Variants in PAX2 observed in about 807,000 individuals in gnomAD.
PAX2 encodes paired box 2.
In PAX2, 9 loss-of-function variants were observed where a neutral mutation model predicts 41.7. The ratio of observed to expected loss-of-function variants is 0.22; its 90% CI spans 0.13 to 0.38. The LOEUF is 0.38. Among genes scored for constraint, PAX2 ranks in the 10% least tolerant of loss-of-function variants. The probability of loss-of-function intolerance (pLI) is 1.00; values close to 1 mark genes in which losing one functional copy is unlikely to be tolerated. For missense variants in PAX2, 418 were observed against 531.6 expected, an observed-to-expected ratio of 0.79 and a Z score of 2.10; for synonymous variants, 221 against 212.7, an observed-to-expected ratio of 1.04 and a Z score of -0.34.
intron 5 of PAX2, among the ~76,000 whole-genome samples, chr10:100,804,907 C>T (rs1211746916): frequency 6.6e-6 from 1 of 152,124 alleles, no homozygotes; most frequent in East Asian, 1.9e-4. Flanking sequence ...GAAGCTGCTT[C>T]TGTCTGTCTT....
At chr10:100,786,966 C>A (rs375373076) in intron 5 of PAX2, 2 of 1,389,852 alleles carry the variant, frequency 1.4e-6, no homozygotes, top group African/African-American at 2.9e-5. Flanking sequence ...TGATCCTGCC[C>A]ACATTAGAGG....
chr10:100,828,031 C>G lies in PAX2; in HGVS notation c.*412C>G, dbSNP rs1848650928. ...TCTGTGACACACAATCAGCGCGGAC[C>G]GCAGCGCGGCCCAGCCCCGGGCACC... On this transcript the variant is annotated 3_prime_UTR_variant, in exon 10 of 10. Transcript: ENST00000355243. The surrounding 1 kb of genome is among the most constrained non-coding windows in gnomAD (Gnocchi z 6.5). The G allele has an allele frequency of 4.0e-6, 1 of 251,316 alleles. No homozygotes were observed. Among genetic ancestry groups the G allele is most frequent in the Non-Finnish European group, 7.5e-6 (1 of 132,472 alleles). 15.6% of individuals were successfully genotyped at this position (251,316 alleles called of 1,614,324 possible). A position where few individuals can be genotyped will look rare whatever the true frequency, so the allele number is the denominator to read the frequency against.
chr10:100,785,530 C>T (rs1426376678), intron 5 of PAX2, among the ~76,000 whole-genome samples: 1 of 152,136 alleles, frequency 6.6e-6, no homozygotes, highest in African/African-American at 2.4e-5. Context: ...TGCAGATGGC[C>T]GAGTCCTGTC....
chr10:100,825,853 A>G (rs78423757), intron 8 of PAX2, among the ~76,000 whole-genome samples: 13,251 of 146,770 alleles, frequency 0.09, 1,019 homozygotes, highest in African/African-American at 0.2. Context: ...TAGGGGAAGG[A>G]AAGTAGAAGC....
At chr10:100,784,123 G>T (rs753199925) in intron 5 of PAX2, among the ~76,000 whole-genome samples, 14 of 152,154 alleles carry the variant, frequency 9.2e-5, no homozygotes, top group Non-Finnish European at 1.8e-4. Context: ...CTTCTAAGGA[G>T]CCAGGCCCAG....
intron 3 of PAX2, among the ~76,000 whole-genome samples, chr10:100,755,407 G>A (rs917250519): frequency 1.3e-5 from 2 of 152,206 alleles, no homozygotes; most frequent in Non-Finnish European, 2.9e-5. Context: ...AGCTCCAGGT[G>A]CATTTCAGAA....
At chr10:100,799,051 T>TG (rs962371705) in intron 5 of PAX2, among the ~76,000 whole-genome samples, 101 of 152,338 alleles carry the variant, frequency 6.6e-4, no homozygotes, top group African/African-American at 2.4e-3. Flanking sequence ...CTGGGAAGAC[T>TG]GGGGGGCAGC....
rs752373453 is a variant in PAX2 at position 100,826,026 on chromosome 10, C to T, written c.1022-983C>T. Among the ~76,000 whole-genome samples the T allele has an allele frequency of 6.6e-6, 1 of 150,576 alleles. No individual in the cohort carries two copies. Among genetic ancestry groups the T allele is most frequent in the Admixed American group, 6.6e-5 (1 of 15,076 alleles). ...GGGAGCCGCAGAGAGCTCGTGGTGT[C>T]GAGGGGGGAGTCGTTAAACAGAATC... On this transcript the variant is annotated intron_variant, in intron 8 of 9. Coordinates refer to ENST00000355243, the MANE Select transcript of PAX2 (RefSeq NM_000278.5). The surrounding 1 kb of genome is among the most constrained non-coding windows in gnomAD (Gnocchi z 5.5).
intron 7 of PAX2, among the ~76,000 whole-genome samples, chr10:100,818,642 G>A (rs1281949014): frequency 1.3e-5 from 2 of 152,082 alleles, no homozygotes; most frequent in African/African-American, 4.8e-5. Context: ...AGTGATCTAT[G>A]GGTTCTTGAG....
At chr10:100,811,313 C>A (rs189656471) in intron 7 of PAX2, among the ~76,000 whole-genome samples, 41 of 152,326 alleles carry the variant, frequency 2.7e-4, no homozygotes, top group Admixed American at 2.0e-4. Flanking sequence ...GATTTTATGT[C>A]CTCCTAATTT....
In PAX2 at chr10:100,748,345, G is replaced by C; in HGVS notation, c.44-1401G>C. On this transcript the variant is annotated intron_variant, in intron 1 of 9. Transcript: ENST00000355243. The surrounding 1 kb of genome is among the most constrained non-coding windows in gnomAD (Gnocchi z 5.0). Reference sequence around the variant, plus strand: ...GGAGATTAACGGGGTGGGCAAGGGGGTAAAAGAAGGGGCTTCAGTCTCTCC... The same window carrying C: ...GGAGATTAACGGGGTGGGCAAGGGGCTAAAAGAAGGGGCTTCAGTCTCTCC... The C allele has an allele frequency of 2.0e-6, 2 of 984,534 alleles. No homozygotes were observed. Among genetic ancestry groups the C allele is most frequent in the Non-Finnish European group, 2.4e-6 (2 of 829,312 alleles). The allele number at this position is 984,534 out of a possible 1,614,324, so 61.0% of individuals were successfully genotyped here.
At chr10:100,799,191 A>G (rs995181415) in intron 5 of PAX2, among the ~76,000 whole-genome samples, 10 of 149,874 alleles carry the variant, frequency 6.7e-5, no homozygotes, top group African/African-American at 2.5e-4. Flanking sequence ...CCTGAGCCCC[A>G]CTGCTCCCCC....
intron 1 of PAX2, chr10:100,749,284 C>A: frequency 3.0e-6 from 3 of 998,232 alleles, no homozygotes; most frequent in Non-Finnish European, 3.6e-6. Context: ...GCCTCGACGC[C>A]CCCAAATCGT....
At chr10:100,817,041 T>C (rs1336537970) in intron 7 of PAX2, among the ~76,000 whole-genome samples, 1 of 152,174 alleles carries the variant, frequency 6.6e-6, no homozygotes, top group East Asian at 1.9e-4. Flanking sequence ...ATCAGAAGAC[T>C]CTGCAAACAG....
intron 3 of PAX2, among the ~76,000 whole-genome samples, chr10:100,763,523 A>C (rs1461298249): frequency 6.6e-6 from 1 of 152,172 alleles, no homozygotes; most frequent in Non-Finnish European, 1.5e-5. Context: ...TGGTGGTTAG[A>C]GTAGTTAGTA....
chr10:100,735,922 T>C (rs796649380), intron 1 of PAX2, among the ~76,000 whole-genome samples: 11 of 152,360 alleles, frequency 7.2e-5, no homozygotes, highest in Admixed American at 2.0e-4. Context: ...CGGTGTCCTC[T>C]AAACCTTCTG....
At chr10:100,794,419 T>C (rs1057135595) in intron 5 of PAX2, among the ~76,000 whole-genome samples, 4 of 152,182 alleles carry the variant, frequency 2.6e-5, no homozygotes, top group African/African-American at 7.2e-5. Flanking sequence ...GTGGTGGTGG[T>C]AAAGCTCTCC....
chr10:100,795,474 G>A (rs1256550206), intron 5 of PAX2, among the ~76,000 whole-genome samples: 2 of 152,208 alleles, frequency 1.3e-5, no homozygotes, highest in African/African-American at 4.8e-5. Flanking sequence ...TTATGAGGGA[G>A]GTATTTGATC....
chr10:100,806,404 G>C, intron 5 of PAX2, 26 bp from the exon 6 acceptor site: 1 of 1,613,668 alleles, frequency 6.2e-7, no homozygotes, highest in South Asian at 1.1e-5. Flanking sequence ...TGGCGCTAAC[G>C]CCCCGAGTGT....
Sources: allele counts gnomAD v4.1 joint callset (sites outside exome capture counted in the v4.1 genomes callset), GRCh38; gene constraint gnomAD v4.1.1; non-coding constraint Gnocchi (gnomAD v3.1); transcripts MANE v1.5; gene names NCBI Gene and HGNC (gene_info 2026-07-23, HGNC 2026-07-21).